The following LRRC4C variants were observed in gnomAD, a reference collection of about 807,000 sequenced individuals.
LRRC4C encodes leucine-rich repeat-containing protein 4C.
LRRC4C carries 5 observed loss-of-function variants against 33.6 expected under a neutral mutation model. The ratio of observed to expected loss-of-function variants is 0.15; its 90% CI spans 0.08 to 0.31. The LOEUF is 0.31. LRRC4C is among the 10% of genes least tolerant of loss of function. The pLI, the probability that LRRC4C is intolerant of heterozygous loss-of-function variation, is 1.00. For missense variants in LRRC4C, 560 were observed against 796.7 expected (o/e 0.70, Z 3.58); for synonymous variants, 329 against 302.0 (o/e 1.09, Z -0.93).
At chr11:40,883,679 C>T (rs1027941522) in intron 2 of LRRC4C, among the ~76,000 whole-genome samples, 1 of 151,706 alleles carries the variant, frequency 6.6e-6, no homozygotes, top group Admixed American at 6.6e-5. Flanking sequence ...ATAAGTCATG[C>T]TTTTTTTCTT....
At chr11:40,396,823 A>G (rs1447499031) in intron 3 of LRRC4C, among the ~76,000 whole-genome samples, 1 of 152,080 alleles carries the variant, frequency 6.6e-6, no homozygotes, top group Non-Finnish European at 1.5e-5. Flanking sequence ...TGACCTCAAA[A>G]CCATTTATGA....
chr11:40,361,792 C>T (rs751848533), intron 3 of LRRC4C, among the ~76,000 whole-genome samples: 3 of 152,090 alleles, frequency 2.0e-5, no homozygotes, highest in Non-Finnish European at 2.9e-5. Context: ...CAAAAAAGTG[C>T]CCAAATAGTC....
chr11:40,518,568 G>A (rs1422373940), intron 3 of LRRC4C, among the ~76,000 whole-genome samples: 1 of 152,184 alleles, frequency 6.6e-6, no homozygotes, highest in Non-Finnish European at 1.5e-5. Context: ...TCTCACAGCA[G>A]TTAGAATGGC....
At chr11:40,449,886 G>A (rs1951809890) in intron 3 of LRRC4C, among the ~76,000 whole-genome samples, 3 of 152,154 alleles carry the variant, frequency 2.0e-5, no homozygotes, top group Admixed American at 2.0e-4. Flanking sequence ...TTTCAGGTAA[G>A]GGGAAAGCTG....
intron 2 of LRRC4C, among the ~76,000 whole-genome samples, chr11:40,667,510 G>A (rs1815460367): frequency 6.6e-6 from 1 of 152,204 alleles, no homozygotes; most frequent in Non-Finnish European, 1.5e-5. Context: ...TATGGCAAAA[G>A]TAACAGGATA....
chr11:41,021,577 A>G (rs756803613), intron 1 of LRRC4C, among the ~76,000 whole-genome samples: 32 of 152,108 alleles, frequency 2.1e-4, no homozygotes, highest in Non-Finnish European at 7.4e-5. Flanking sequence ...CAAATCTATT[A>G]TATCACCACC....
At chr11:40,799,286 A>G (rs902305418) in intron 2 of LRRC4C, among the ~76,000 whole-genome samples, 5 of 152,168 alleles carry the variant, frequency 3.3e-5, no homozygotes, top group Admixed American at 1.3e-4. Context: ...CTGATAATAT[A>G]TGTGGATATA....
intron 1 of LRRC4C, among the ~76,000 whole-genome samples, chr11:41,234,271 C>T (rs917617417): frequency 3.3e-5 from 5 of 151,898 alleles, no homozygotes; most frequent in Admixed American, 1.3e-4. Context: ...TTATCATGTA[C>T]AGCATGTTGT....
At chr11:41,228,179 A>G (rs1947627739) in intron 1 of LRRC4C, among the ~76,000 whole-genome samples, 2 of 152,074 alleles carry the variant, frequency 1.3e-5, no homozygotes, top group East Asian at 3.9e-4. Context: ...ATGTATATGA[A>G]AGGGTTTCTT....
intron 2 of LRRC4C, among the ~76,000 whole-genome samples, chr11:40,853,934 C>T (rs1040375103): frequency 5.3e-5 from 8 of 152,182 alleles, no homozygotes; most frequent in Non-Finnish European, 8.8e-5. Context: ...CTTCCCAAAT[C>T]TGGTTAGTTC....
chr11:40,542,416 G>T (rs1027598167), intron 3 of LRRC4C, among the ~76,000 whole-genome samples: 13 of 152,096 alleles, frequency 8.5e-5, no homozygotes, highest in Non-Finnish European at 1.8e-4. Context: ...TGGCCCAGCT[G>T]CCTTGTGGGT....
At chr11:40,973,529 G>A (rs976550905) in intron 1 of LRRC4C, among the ~76,000 whole-genome samples, 1 of 152,124 alleles carries the variant, frequency 6.6e-6, no homozygotes, top group African/African-American at 2.4e-5. Context: ...ACTAGGAAGA[G>A]AATAGATGTG....
intron 3 of LRRC4C, among the ~76,000 whole-genome samples, chr11:40,338,796 T>C (rs910382042): frequency 6.6e-6 from 1 of 152,168 alleles, no homozygotes; most frequent in African/African-American, 2.4e-5. Context: ...TCATTAAAAA[T>C]AAAATTTGGG....
chr11:40,915,418 C>A (rs1312386041), intron 2 of LRRC4C, among the ~76,000 whole-genome samples: 1 of 152,140 alleles, frequency 6.6e-6, no homozygotes, highest in East Asian at 1.9e-4. Flanking sequence ...TGATCTTTGA[C>A]AAACCTGACA....
chr11:40,373,645 T>A (rs1948547519), intron 3 of LRRC4C, among the ~76,000 whole-genome samples: 1 of 152,146 alleles, frequency 6.6e-6, no homozygotes, highest in South Asian at 2.1e-4. Flanking sequence ...GGGATGGTGA[T>A]TCGATCATGG....
chr11:41,129,538 T>C (rs891689640), intron 1 of LRRC4C, among the ~76,000 whole-genome samples: 1 of 152,072 alleles, frequency 6.6e-6, no homozygotes, highest in Admixed American at 6.6e-5. Context: ...AATTTACTAA[T>C]AGAATGTTTT....
At chr11:41,068,176 T>C (rs2902124) in intron 1 of LRRC4C, among the ~76,000 whole-genome samples, 36,057 of 152,116 alleles carry the variant, frequency 0.24, 4,543 homozygotes, top group East Asian at 0.34. Flanking sequence ...GCAGATCACC[T>C]GAGGTCAGGA....
At chr11:41,316,635 T>G (rs536873927) in intron 1 of LRRC4C, among the ~76,000 whole-genome samples, 4 of 152,330 alleles carry the variant, frequency 2.6e-5, no homozygotes, top group African/African-American at 9.6e-5. Context: ...TGTAGAGCTA[T>G]TGTTTCTTAT....
intron 1 of LRRC4C, among the ~76,000 whole-genome samples, chr11:40,963,272 T>C (rs1191659241): frequency 6.6e-6 from 1 of 151,736 alleles, no homozygotes; most frequent in Non-Finnish European, 1.5e-5. Flanking sequence ...ACAGCGAACA[T>C]TAGTTATATC....
Sources: allele counts gnomAD v4.1 joint callset (sites outside exome capture counted in the v4.1 genomes callset), GRCh38; gene constraint gnomAD v4.1.1; transcripts MANE v1.5; gene names NCBI Gene and HGNC (gene_info 2026-07-23, HGNC 2026-07-21).